The following DLGAP1 variants were observed in gnomAD, a reference collection of about 807,000 sequenced individuals.
The protein encoded by DLGAP1 is disks large-associated protein 1.
Under a neutral mutation model 90.8 loss-of-function variants are expected in DLGAP1, and 11 were observed. That is an observed-to-expected ratio of 0.12 (90% confidence interval 0.08 to 0.20). DLGAP1 has a LOEUF of 0.20. DLGAP1 is among the 10% of genes least tolerant of loss of function. The probability of loss-of-function intolerance (pLI) is 1.00; values close to 1 mark genes in which losing one functional copy is unlikely to be tolerated. For synonymous variants in DLGAP1, 558 were observed against 540.7 expected, an observed-to-expected ratio of 1.03 and a Z score of -0.44; for missense variants, 1,050 against 1,333.8, an observed-to-expected ratio of 0.79 and a Z score of 3.31.
intron 1 of DLGAP1, among the ~76,000 whole-genome samples, chr18:4,176,314 T>C (rs1008325272): frequency 6.6e-6 from 1 of 152,214 alleles, no homozygotes; most frequent in Non-Finnish European, 1.5e-5. Context: ...TGTCTAGTGT[T>C]CCAGCCCTTC....
intron 2 of DLGAP1, among the ~76,000 whole-genome samples, chr18:4,040,741 G>T (rs1378904329): frequency 6.6e-6 from 1 of 152,192 alleles, no homozygotes; most frequent in Non-Finnish European, 1.5e-5. Context: ...GCTGACATGT[G>T]AACGTGAAAA....
chr18:3,777,058 A>G (rs1231390220), intron 5 of DLGAP1, among the ~76,000 whole-genome samples: 1 of 152,166 alleles, frequency 6.6e-6, no homozygotes, highest in African/African-American at 2.4e-5. Context: ...AAGTGTTGGG[A>G]TTATAGGCGT....
chr18:4,092,729 A>G (rs2075789593), intron 2 of DLGAP1, among the ~76,000 whole-genome samples: 1 of 152,120 alleles, frequency 6.6e-6, no homozygotes. Context: ...CCCATCCTCC[A>G]GGCTCACACC....
chr18:3,727,265 C>A lies in DLGAP1; in HGVS notation c.1591+1870G>T, dbSNP rs560702586. Reference sequence around the variant, plus strand: ...GTATCTGAGAAGTGTCTTAGGAGGGCAGACCCCATGTGTGTTTGGAGTGAA... The same window carrying A: ...GTATCTGAGAAGTGTCTTAGGAGGGAAGACCCCATGTGTGTTTGGAGTGAA... On this transcript the variant is annotated intron_variant, in intron 7 of 12. Coordinates refer to ENST00000315677, the MANE Select transcript of DLGAP1 (RefSeq NM_004746.4). The surrounding 1 kb of genome is among the most constrained non-coding windows in gnomAD (Gnocchi z 4.7). Among the ~76,000 whole-genome samples the A allele has an allele frequency of 2.6e-5, 4 of 152,162 alleles. No individual in the cohort carries two copies. Among genetic ancestry groups the A allele is most frequent in the Non-Finnish European group, 5.9e-5 (4 of 68,042 alleles).
chr18:4,397,060 C>A (rs2082457437), intron 1 of DLGAP1, among the ~76,000 whole-genome samples: 1 of 152,190 alleles, frequency 6.6e-6, no homozygotes, highest in Non-Finnish European at 1.5e-5. Flanking sequence ...GCTATGCAAC[C>A]AAGGCAGGGT....
At chr18:3,638,138 A>G (rs1187739164) in intron 7 of DLGAP1, among the ~76,000 whole-genome samples, 3 of 151,610 alleles carry the variant, frequency 2.0e-5, no homozygotes, top group Admixed American at 6.6e-5. Flanking sequence ...TAGTAGAGAC[A>G]GGGTTTCACC....
intron 7 of DLGAP1, among the ~76,000 whole-genome samples, chr18:3,615,513 G>C (rs1236434839): frequency 6.6e-6 from 1 of 152,186 alleles, no homozygotes; most frequent in Non-Finnish European, 1.5e-5. Flanking sequence ...GACACGCCCA[G>C]GTGAGGAGAG....
chr18:3,896,250 A>G (rs1034927617), intron 3 of DLGAP1: 1 of 152,196 alleles, frequency 6.6e-6, no homozygotes, highest in Non-Finnish European at 1.5e-5. Context: ...GGTCTGTAAG[A>G]CTTAAAGCAC....
intron 2 of DLGAP1, among the ~76,000 whole-genome samples, chr18:4,036,375 A>G (rs1321506260): frequency 6.6e-6 from 1 of 152,242 alleles, no homozygotes; most frequent in East Asian, 1.9e-4. Context: ...TTTAAAATGA[A>G]GAAACTGAGT....
chr18:4,166,095 G>A (rs2076928685), intron 1 of DLGAP1, among the ~76,000 whole-genome samples: 1 of 151,954 alleles, frequency 6.6e-6, no homozygotes. Flanking sequence ...GGAATTTGAG[G>A]TTGCAGTGAG....
At chr18:3,836,237 G>A (rs1433128685) in intron 4 of DLGAP1, among the ~76,000 whole-genome samples, 2 of 152,086 alleles carry the variant, frequency 1.3e-5, no homozygotes, top group Non-Finnish European at 2.9e-5. Context: ...GACACCAGGA[G>A]GAAATGAAAG....
intron 10 of DLGAP1, among the ~76,000 whole-genome samples, chr18:3,512,305 G>A (rs557220666): frequency 6.6e-6 from 1 of 152,270 alleles, no homozygotes; most frequent in Non-Finnish European, 1.5e-5. Flanking sequence ...ACACCGTATA[G>A]GCACCTGATG....
At chr18:3,891,931 G>A (rs1374379592) in intron 3 of DLGAP1, 1 of 151,894 alleles carries the variant, frequency 6.6e-6, no homozygotes, top group East Asian at 1.9e-4. Flanking sequence ...TGTAGAGATG[G>A]GGGGTCTCAC....
At chr18:3,773,831 T>G (rs1021137282) in intron 5 of DLGAP1, among the ~76,000 whole-genome samples, 1 of 152,222 alleles carries the variant, frequency 6.6e-6, no homozygotes, top group Non-Finnish European at 1.5e-5. Context: ...GATATAAACT[T>G]TCTGCTAATA....
At chr18:3,798,670 T>C (rs963214404) in intron 5 of DLGAP1, among the ~76,000 whole-genome samples, 15 of 152,200 alleles carry the variant, frequency 9.9e-5, no homozygotes, top group African/African-American at 3.6e-4. Context: ...TATTTACTTA[T>C]GTATTTTTGA....
At chr18:4,437,102 G>T (rs905230864) in intron 1 of DLGAP1, among the ~76,000 whole-genome samples, 1 of 152,176 alleles carries the variant, frequency 6.6e-6, no homozygotes, top group Admixed American at 6.5e-5. Flanking sequence ...ATCCAATAAA[G>T]TTTCTGAGGA....
At chr18:3,823,146 T>C (rs2067514297) in intron 4 of DLGAP1, among the ~76,000 whole-genome samples, 1 of 152,204 alleles carries the variant, frequency 6.6e-6, no homozygotes, top group Admixed American at 6.5e-5. Context: ...TCTCCTCAAT[T>C]CGAGGTCCAT....
intron 1 of DLGAP1, among the ~76,000 whole-genome samples, chr18:4,417,778 G>A (rs9957503): frequency 0.44 from 67,250 of 151,960 alleles, 15,609 homozygotes; most frequent in African/African-American, 0.6. Flanking sequence ...GCTGAGAACT[G>A]CAGATGGGAA....
chr18:3,540,423 T>C (rs893542850), intron 9 of DLGAP1, among the ~76,000 whole-genome samples: 19 of 138,480 alleles, frequency 1.4e-4, no homozygotes, highest in Non-Finnish European at 2.4e-4. Context: ...TAAGCCGAGA[T>C]TGCACCACTG....
Sources: gnomAD v4.1 joint callset for allele counts (sites outside exome capture counted in the v4.1 genomes callset) on GRCh38, gnomAD v4.1.1 for gene constraint, Gnocchi (gnomAD v3.1) non-coding constraint, MANE v1.5 for transcripts, NCBI Gene and HGNC (gene_info 2026-07-23, HGNC 2026-07-21) for gene names.